TSHR: variants seen among roughly 807,000 people sequenced by gnomAD.
The protein encoded by TSHR is thyrotropin receptor.
In TSHR, 51 loss-of-function variants were observed where a neutral mutation model predicts 64.1. The ratio of observed to expected loss-of-function variants is 0.80; its 90% CI spans 0.64 to 1.01. The LOEUF is 1.01. Ranked by LOEUF, TSHR falls within the 50% of genes least tolerant of loss-of-function variation. The pLI is 0.00. For missense variants in TSHR, 877 were observed against 942.8 expected, an observed-to-expected ratio of 0.93 and a Z score of 0.91; for synonymous variants, 361 against 361.9, an observed-to-expected ratio of 1.00 and a Z score of 0.03.
At chr14:81,100,089 G>A (rs1171279578) in intron 7 of TSHR, among the ~76,000 whole-genome samples, 1 of 152,096 alleles carries the variant, frequency 6.6e-6, no homozygotes, top group East Asian at 1.9e-4. Context: ...TGGGAGAGGG[G>A]GAGCTATGTT....
chr14:81,075,144 T>C (rs1475915199), intron 3 of TSHR, among the ~76,000 whole-genome samples: 3 of 152,216 alleles, frequency 2.0e-5, no homozygotes, highest in African/African-American at 7.2e-5. Flanking sequence ...AGGCGACCAA[T>C]TGTTCAAACA....
At chr14:80,983,051 T>C in intron 1 of TSHR, 1 of 548,714 alleles carries the variant, frequency 1.8e-6, no homozygotes, top group East Asian at 2.8e-5. Context: ...GTTCACCCAT[T>C]TGCCCAAGAG....
intron 7 of TSHR, chr14:81,107,105 T>G (rs2140026570): frequency 6.6e-6 from 1 of 152,264 alleles, no homozygotes; most frequent in Non-Finnish European, 1.5e-5. Context: ...GGTAAAACTC[T>G]TCTTCCTCCC....
chr14:80,964,797 A>G (rs1420826588), intron 1 of TSHR, among the ~76,000 whole-genome samples: 1 of 152,244 alleles, frequency 6.6e-6, no homozygotes, highest in African/African-American at 2.4e-5. Flanking sequence ...ACCCTAACAG[A>G]CATATTTTAA....
At chr14:81,125,974 C>G (rs1285608220) in intron 8 of TSHR, among the ~76,000 whole-genome samples, 3 of 152,064 alleles carry the variant, frequency 2.0e-5, no homozygotes, top group Non-Finnish European at 4.4e-5. Flanking sequence ...GGTGTGCATG[C>G]TGACTTCTTG....
intron 1 of TSHR, among the ~76,000 whole-genome samples, chr14:81,004,311 C>A (rs917986): frequency 0.62 from 94,929 of 152,060 alleles, 32,296 homozygotes; most frequent in South Asian, 0.78. Context: ...GAAGGTGATT[C>A]TGATATCTCC....
At chr14:80,957,541 G>A (rs1192102084) in intron 1 of TSHR, among the ~76,000 whole-genome samples, 1 of 152,132 alleles carries the variant, frequency 6.6e-6, no homozygotes, top group African/African-American at 2.4e-5. Flanking sequence ...CTATGTTGGG[G>A]AGAAAGAAAT....
At chr14:81,139,552 T>C in intron 8 of TSHR, 127 bp from the exon 9 acceptor site, 1 of 959,552 alleles carries the variant, frequency 1.0e-6, no homozygotes, top group Non-Finnish European at 1.6e-6. Flanking sequence ...TCAGCTTATG[T>C]ACTCAGTAGA....
In TSHR at chr14:81,096,487, T is replaced by C. The variant is rs1566811294; in HGVS notation, c.546-152T>C. The C allele has an allele frequency of 4.3e-5, 30 of 699,986 alleles. No homozygotes were observed. The South Asian group carries it at 4.7e-4, about 11-fold the overall frequency. The allele number at this position is 699,986 out of a possible 1,614,324, so 43.4% of individuals were successfully genotyped here. On this transcript the variant is annotated intron_variant, in intron 6 of 9. Coordinates refer to ENST00000298171, the MANE Select transcript of TSHR (RefSeq NM_000369.5). ...ATATTATCTTGTTTCCAACAACTTGTACTGGAAAGTTTTCTTGTGGGATAC... is the reference window on the plus strand; with the variant it reads ...ATATTATCTTGTTTCCAACAACTTGCACTGGAAAGTTTTCTTGTGGGATAC...
intron 1 of TSHR, among the ~76,000 whole-genome samples, chr14:81,043,329 C>G (rs1466325885): frequency 6.6e-6 from 1 of 152,106 alleles, no homozygotes; most frequent in East Asian, 1.9e-4. Flanking sequence ...AATGAACTCC[C>G]ATTCACAACT....
At position 81,044,679 on chromosome 14, in the gene TSHR, C is replaced by A. The variant is rs1364215823; in HGVS notation, c.171-17469C>A. On this transcript the variant is annotated intron_variant, in intron 1 of 9. Coordinates refer to ENST00000298171, the MANE Select transcript of TSHR (RefSeq NM_000369.5). ...TCTCAAAAAAAAAAAAAAAAACACACACACACATGCACAATGAGATACCAT... is the reference window on the plus strand; with the variant it reads ...TCTCAAAAAAAAAAAAAAAAACACAAACACACATGCACAATGAGATACCAT... Among the ~76,000 whole-genome samples, 22 of 146,632 alleles carry A rather than the reference C, an allele frequency of 1.5e-4. No individual in the cohort carries two copies. In the East Asian group the frequency reaches 4.2e-3, roughly 28 times the overall value.
At chr14:81,066,639 C>T (rs981755495) in intron 2 of TSHR, among the ~76,000 whole-genome samples, 1 of 152,198 alleles carries the variant, frequency 6.6e-6, no homozygotes, top group African/African-American at 2.4e-5. Context: ...TCAATTCAAA[C>T]TATAGGTCAG....
At chr14:81,021,559 T>A (rs561470340) in intron 1 of TSHR, among the ~76,000 whole-genome samples, 1 of 152,308 alleles carries the variant, frequency 6.6e-6, no homozygotes, top group South Asian at 2.1e-4. Flanking sequence ...GTAAATCATG[T>A]TCTTTTGCCC....
At chr14:81,068,214 A>T (rs1193636653) in intron 2 of TSHR, 40 bp from the exon 3 acceptor site, 1 of 1,592,504 alleles carries the variant, frequency 6.3e-7, no homozygotes, top group Non-Finnish European at 8.6e-7. Context: ...TTACAACCTT[A>T]CTAACTTTCT....
intron 1 of TSHR, among the ~76,000 whole-genome samples, chr14:80,985,351 A>G (rs986174960): frequency 6.6e-6 from 1 of 152,266 alleles, no homozygotes; most frequent in Non-Finnish European, 1.5e-5. Context: ...TATGTGTCCT[A>G]TGAAAGGCCA....
Position 80,955,777 on chromosome 14 carries a change from C to T in TSHR, c.97C>T (p.Gln33Ter). The T allele has an allele frequency of 1.2e-6, 2 of 1,614,196 alleles. No individual in the cohort carries two copies. Among genetic ancestry groups the T allele is most frequent in the Non-Finnish European group, 1.7e-6 (2 of 1,180,036 alleles). The change falls in exon 1 of 10, where the codon CAG becomes TAG. Residue 33 changes from glutamine (Q) to a stop codon, truncating the protein, a stop_gained. Coordinates refer to ENST00000298171, the MANE Select transcript of TSHR (RefSeq NM_000369.5). LOFTEE classifies it high-confidence loss of function. Reference sequence around the variant, plus strand: ...TTCGTCTCCACCCTGCGAGTGCCATCAGGAGGAGGACTTCAGAGTCACCTG... The same window carrying T: ...TTCGTCTCCACCCTGCGAGTGCCATTAGGAGGAGGACTTCAGAGTCACCTG... ...GCSSPPCECH[Q>*]EEDFRVTCKD... is the part of the protein sequence containing the mutation.
chr14:81,011,002 A>T (rs999302840), intron 1 of TSHR, among the ~76,000 whole-genome samples: 2 of 152,100 alleles, frequency 1.3e-5, no homozygotes, highest in Non-Finnish European at 2.9e-5. Flanking sequence ...TACCAGAAAA[A>T]CTTCTCCACT....
At chr14:81,108,277 C>T (rs890045216) in intron 7 of TSHR, 98 bp from the exon 8 acceptor site, 1 of 1,041,130 alleles carries the variant, frequency 9.6e-7, no homozygotes, top group Non-Finnish European at 1.5e-6. Context: ...TCAGTCAATA[C>T]TATGGTCACA....
chr14:81,136,108 C>G (rs1201529633), intron 8 of TSHR, among the ~76,000 whole-genome samples: 1 of 152,162 alleles, frequency 6.6e-6, no homozygotes, highest in Non-Finnish European at 1.5e-5. Flanking sequence ...ATCTGCAAGA[C>G]CTTAAAGGGC....
Sources: allele counts gnomAD v4.1 joint callset (sites outside exome capture counted in the v4.1 genomes callset), GRCh38; gene constraint gnomAD v4.1.1; transcripts MANE v1.5; gene names NCBI Gene and HGNC (gene_info 2026-07-23, HGNC 2026-07-21).